Variants in DOCK1 observed in about 807,000 individuals in gnomAD.
The protein encoded by DOCK1 is dedicator of cytokinesis protein 1.
Under a neutral mutation model 262.7 loss-of-function variants are expected in DOCK1, and 138 were observed. The observed-to-expected ratio is 0.53, with a 90% confidence interval of 0.46 to 0.61. The LOEUF is 0.61. DOCK1 is among the 20% of genes least tolerant of loss of function. The pLI is 0.00. For synonymous variants in DOCK1, 866 were observed against 867.4 expected (o/e 1.00, Z 0.03); for missense variants, 1,908 against 2,370.7 (o/e 0.80, Z 4.05).
intron 25 of DOCK1, among the ~76,000 whole-genome samples, chr10:127,114,193 G>A (rs969002398): frequency 6.6e-6 from 1 of 152,116 alleles, no homozygotes; most frequent in African/African-American, 2.4e-5. Flanking sequence ...TCTAGATTTT[G>A]CTCTTCTGCT....
chr10:127,369,077 T>A (rs1235397638), intron 33 of DOCK1, among the ~76,000 whole-genome samples: 1 of 152,208 alleles, frequency 6.6e-6, no homozygotes, highest in Non-Finnish European at 1.5e-5. Flanking sequence ...AATCTTTGTG[T>A]CATCAGTGTT....
At chr10:127,166,047 A>C (rs558351863) in intron 27 of DOCK1, among the ~76,000 whole-genome samples, 1 of 152,308 alleles carries the variant, frequency 6.6e-6, no homozygotes, top group Admixed American at 6.5e-5. Context: ...AAAATTTAAA[A>C]AATGCCTGCA....
At chr10:126,942,621 C>CGAGGG (rs1459553650) in intron 1 of DOCK1, among the ~76,000 whole-genome samples, 2 of 152,128 alleles carry the variant, frequency 1.3e-5, no homozygotes, top group African/African-American at 4.8e-5. Context: ...GAGCCAGCCC[C>CGAGGG]GAGGGAGCCG....
intron 29 of DOCK1, among the ~76,000 whole-genome samples, chr10:127,278,034 A>G (rs1320952297): frequency 6.6e-6 from 1 of 152,066 alleles, no homozygotes; most frequent in Non-Finnish European, 1.5e-5. Flanking sequence ...GTGTCCACTC[A>G]CTAATCCATG....
Position 127,356,878 on chromosome 10 carries a change from C to T in DOCK1, c.3283+2151C>T, listed in dbSNP as rs535707122. On this transcript the variant is annotated intron_variant, in intron 32 of 51. Coordinates refer to ENST00000623213, the MANE Select transcript of DOCK1 (RefSeq NM_001290223.2). ...TCTTCTGTGTTGTTCCATTTCAACT[C>T]TAAAGTATAGACAGGGAATTGCCTA... Among the ~76,000 whole-genome samples the T allele has an allele frequency of 3.0e-4, 45 of 152,272 alleles. 1 individual carries two copies. In the South Asian group the frequency reaches 8.7e-3, roughly 29 times the overall value.
chr10:126,931,995 A>G (rs1372221191), intron 1 of DOCK1, among the ~76,000 whole-genome samples: 1 of 152,208 alleles, frequency 6.6e-6, no homozygotes, highest in African/African-American at 2.4e-5. Context: ...AAGATGGAAT[A>G]AAAGTGGGCC....
intron 6 of DOCK1, among the ~76,000 whole-genome samples, chr10:126,992,872 T>C (rs968562328): frequency 7.2e-5 from 11 of 151,962 alleles, no homozygotes; most frequent in Non-Finnish European, 1.5e-4. Context: ...TGGGCTTCCA[T>C]GGACTTCATC....
intron 1 of DOCK1, among the ~76,000 whole-genome samples, chr10:126,932,978 C>T (rs1372412893): frequency 2.0e-5 from 3 of 151,912 alleles, no homozygotes; most frequent in Non-Finnish European, 4.4e-5. Flanking sequence ...ATAGGTTGGC[C>T]TGGATATATG....
chr10:126,912,583 G>A (rs1221097660), intron 1 of DOCK1, among the ~76,000 whole-genome samples: 15 of 146,922 alleles, frequency 1.0e-4, no homozygotes, highest in South Asian at 6.6e-4. Context: ...AAAACTAGCC[G>A]GGCGTGGTGG....
intron 16 of DOCK1, among the ~76,000 whole-genome samples, chr10:127,030,897 A>AC (rs141903957): frequency 0.055 from 8,315 of 152,278 alleles, 250 homozygotes; most frequent in Non-Finnish European, 0.068. Flanking sequence ...TATCACGAAA[A>AC]TAAATCAGGT....
rs1462548349 is a variant in DOCK1, at chr10:126,939,061, G to A, written c.47-31641G>A. On this transcript the variant is annotated intron_variant, in intron 1 of 51. Transcript: ENST00000623213. Reference sequence around the variant, plus strand: ...ACACGGTGGGGGGATGAACACCGGGGGGGGGACGAACACCGGAGGGGACGA... The same window carrying A: ...ACACGGTGGGGGGATGAACACCGGGAGGGGGACGAACACCGGAGGGGACGA... 2.1e-5 allele frequency among the ~76,000 whole-genome samples: 3 copies of A among 146,170 alleles called. 1 individual carries two copies. Among genetic ancestry groups the A allele is most frequent in the South Asian group, 4.5e-4 (2 of 4,428 alleles).
In DOCK1 at chr10:127,246,378, G is replaced by A. The variant is rs74158642; in HGVS notation, c.2848-1630G>A. Among the ~76,000 whole-genome samples the A allele has an allele frequency of 8.8e-3, 1,338 of 152,332 alleles. 25 individuals are homozygous for A. The highest frequency in any genetic ancestry group is 0.03 in the African/African-American group (1,259 of 41,572). On this transcript the variant is annotated intron_variant, in intron 27 of 51. Coordinates refer to ENST00000623213, the MANE Select transcript of DOCK1 (RefSeq NM_001290223.2). ...GAGGTCGTATTCTATTAAAGTGACAGTGTTGTTATTAAGACGATTATCCAC... is the reference window on the plus strand; with the variant it reads ...GAGGTCGTATTCTATTAAAGTGACAATGTTGTTATTAAGACGATTATCCAC...
chr10:127,175,736 G>T lies in DOCK1; in HGVS notation c.2847+47972G>T. 6.2e-7 allele frequency: 1 copy of T among 1,613,994 alleles called. No individual in the cohort carries two copies. Among genetic ancestry groups the T allele is most frequent in the Non-Finnish European group, 8.5e-7 (1 of 1,180,020 alleles). On this transcript the variant is annotated intron_variant, in intron 27 of 51. Coordinates refer to ENST00000623213, the MANE Select transcript of DOCK1 (RefSeq NM_001290223.2). The surrounding 1 kb of genome is among the most constrained non-coding windows in gnomAD (Gnocchi z 6.3). ...TGGCCCTCCCGAGCAGCTGGTAATC[G>T]GGCTCTTCGGATGGAGGCCGAGTGG...
chr10:127,070,499 G>T (rs1564780078), intron 23 of DOCK1, among the ~76,000 whole-genome samples: 1 of 151,808 alleles, frequency 6.6e-6, no homozygotes. Flanking sequence ...TGATCTGCCC[G>T]CCTCGGCCTC....
At chr10:127,343,882 C>A in intron 31 of DOCK1, 136 bp downstream of exon 31, 1 of 722,114 alleles carries the variant, frequency 1.4e-6, no homozygotes, top group Non-Finnish European at 2.3e-6. Context: ...TTTTAAATCA[C>A]CAATCAGGTA....
chr10:127,096,515 CT>C lies in DOCK1; in HGVS notation c.2446-9714del, dbSNP rs200598462. 6.4e-3 allele frequency among the ~76,000 whole-genome samples: 975 copies of C among 152,106 alleles called. 8 individuals carry two copies. Among genetic ancestry groups the C allele is most frequent in the African/African-American group, 0.023 (938 of 41,484 alleles). On this transcript the variant is annotated intron_variant, in intron 23 of 51. Coordinates refer to ENST00000623213, the MANE Select transcript of DOCK1 (RefSeq NM_001290223.2). The stretch of plus-strand genomic sequence containing the variant: ...TGAGAAATATGTAAATTAATAATTG[CT>C]TCATACATTATTCAAGAAAAACTTA...
At chr10:126,985,608 C>T (rs746591567) in intron 4 of DOCK1, among the ~76,000 whole-genome samples, 4 of 152,124 alleles carry the variant, frequency 2.6e-5, no homozygotes, top group Non-Finnish European at 5.9e-5. Flanking sequence ...TGAGGAGCAC[C>T]AGTGCACTCA....
intron 29 of DOCK1, among the ~76,000 whole-genome samples, chr10:127,258,000 T>C (rs1237485130): frequency 1.3e-5 from 2 of 152,170 alleles, no homozygotes; most frequent in Non-Finnish European, 1.5e-5. Flanking sequence ...TAAAAAGAAC[T>C]TTCTGTTCAT....
intron 43 of DOCK1, among the ~76,000 whole-genome samples, chr10:127,413,753 CA>C (rs1348185380): frequency 6.6e-6 from 1 of 152,132 alleles, no homozygotes; most frequent in Non-Finnish European, 1.5e-5. Flanking sequence ...ATTGCCAGGA[CA>C]AAAACCTGAG....
Sources: gnomAD v4.1 joint callset for allele counts (sites outside exome capture counted in the v4.1 genomes callset) on GRCh38, gnomAD v4.1.1 for gene constraint, Gnocchi (gnomAD v3.1) non-coding constraint, MANE v1.5 for transcripts, NCBI Gene and HGNC (gene_info 2026-07-23, HGNC 2026-07-21) for gene names.